The following ANO1 variants were observed in gnomAD, a reference collection of about 807,000 sequenced individuals.
ANO1 encodes anoctamin-1.
In ANO1, 59 loss-of-function variants were observed where a neutral mutation model predicts 124.0. The ratio of observed to expected loss-of-function variants is 0.48; its 90% CI spans 0.39 to 0.59. The LOEUF (loss-of-function observed/expected upper bound fraction) is 0.59, where lower values mean the gene tolerates loss of function less well. ANO1 is among the 20% of genes least tolerant of loss of function. The probability of loss-of-function intolerance (pLI) is 0.00; values close to 1 mark genes in which losing one functional copy is unlikely to be tolerated. For synonymous variants in ANO1, 529 were observed against 532.0 expected (o/e 0.99, Z 0.08); for missense variants, 1,059 against 1,328.0 (o/e 0.80, Z 3.15).
intron 1 of ANO1, among the ~76,000 whole-genome samples, chr11:70,044,545 T>A (rs1411636294): frequency 2.0e-5 from 3 of 151,948 alleles, no homozygotes; most frequent in Admixed American, 2.0e-4. Flanking sequence ...TTAGTCCAAA[T>A]GGAAATAAAT....
chr11:70,152,103 G>A lies in ANO1; in HGVS notation c.1342-347G>A, dbSNP rs541573686. Among the ~76,000 whole-genome samples the A allele has an allele frequency of 1.4e-4, 22 of 152,210 alleles. No homozygotes were observed. In the South Asian group the frequency reaches 2.3e-3, roughly 16 times the overall value. On this transcript the variant is annotated intron_variant, in intron 12 of 25. Transcript: ENST00000355303. The stretch of plus-strand genomic sequence containing the variant: ...TGTAACCCCAGCACTTTGGGAGGCC[G>A]AGGAGGGCGGATCACGAGGTCAGGA...
At chr11:70,139,990 C>T (rs2047090929) in intron 11 of ANO1, among the ~76,000 whole-genome samples, 1 of 152,214 alleles carries the variant, frequency 6.6e-6, no homozygotes, top group South Asian at 2.1e-4. Flanking sequence ...CACAAAAATA[C>T]ACCTCCTTCC....
chr11:70,154,013 G>A (rs1209767372), intron 14 of ANO1, among the ~76,000 whole-genome samples: 10 of 152,050 alleles, frequency 6.6e-5, no homozygotes, highest in Non-Finnish European at 1.2e-4. Flanking sequence ...AAATCCACCC[G>A]CCTTGGCCTC....
chr11:70,020,552 G>A (rs570183919), intron 1 of ANO1, among the ~76,000 whole-genome samples: 3 of 152,312 alleles, frequency 2.0e-5, no homozygotes, highest in Non-Finnish European at 2.9e-5. Flanking sequence ...CCAGCTCAGT[G>A]GGTCCGGCCA....
chr11:70,022,313 T>G (rs961492401), intron 1 of ANO1, among the ~76,000 whole-genome samples: 5 of 152,158 alleles, frequency 3.3e-5, no homozygotes, highest in African/African-American at 4.8e-5. Flanking sequence ...ACTTACTGAA[T>G]GGAAGCCGGG....
chr11:70,172,133 AAAAG>A (rs565422194), intron 22 of ANO1, among the ~76,000 whole-genome samples: 10,278 of 93,628 alleles, frequency 0.11, 434 homozygotes, highest in East Asian at 0.18. Context: ...AAAAAAAAAA[AAAAG>A]AAAAGAAAAG....
chr11:70,027,121 A>C (rs782027937), intron 1 of ANO1, among the ~76,000 whole-genome samples: 2 of 152,078 alleles, frequency 1.3e-5, no homozygotes, highest in African/African-American at 2.4e-5. Context: ...GTCTCTCTTC[A>C]CGGTACTCAT....
chr11:70,157,467 C>T (rs1046746455), intron 16 of ANO1, among the ~76,000 whole-genome samples: 6 of 152,014 alleles, frequency 3.9e-5, no homozygotes, highest in Non-Finnish European at 8.8e-5. Flanking sequence ...GGCCCCATCT[C>T]CTCAGGGCAG....
rs138475746 is a variant in ANO1, at chr11:70,011,176, G to A, written c.58+25010G>A. On this transcript the variant is annotated intron_variant, in intron 1 of 27. Coordinates refer to the ANO1 transcript ENST00000531349. Reference sequence around the variant, plus strand: ...GGCAGAAAGGTGCAGGAAGGGTGTCGAGGCAGAGGGAACAGCGTGTGCAAT... The same window carrying A: ...GGCAGAAAGGTGCAGGAAGGGTGTCAAGGCAGAGGGAACAGCGTGTGCAAT... 1.3e-3 allele frequency among the ~76,000 whole-genome samples: 204 copies of A among 152,250 alleles called. 5 individuals are homozygous for A. The East Asian group carries it at 0.018, about 14-fold the overall frequency.
Position 70,040,998 on chromosome 11 carries a change from G to A in ANO1, c.59-37544G>A, listed in dbSNP as rs11237590. ...GGAGAGGTTCTGGGAGCTTGGTGGG[G>A]ACCTGATGGACAGGGTTCAGGCACT... On this transcript the variant is annotated intron_variant, in intron 1 of 27. Transcript: ENST00000531349. Among the ~76,000 whole-genome samples the A allele has an allele frequency of 0.012, 1,898 of 152,262 alleles. 105 individuals carry two copies. The East Asian group carries it at 0.16, about 13-fold the overall frequency.
In ANO1 at chr11:70,010,173, G is replaced by GTATATATA. The variant is rs1565159722; in HGVS notation, c.58+24008_58+24009insATATATAT. Among the ~76,000 whole-genome samples, 204 of 50,636 alleles carry GTATATATA rather than the reference G, an allele frequency of 4.0e-3. 13 individuals are homozygous for GTATATATA. Among genetic ancestry groups the GTATATATA allele is most frequent in the African/African-American group, 0.012 (195 of 16,824 alleles). The allele number at this position is 50,636 out of a possible 152,430, so 33.2% of individuals were successfully genotyped here. On this transcript the variant is annotated intron_variant, in intron 1 of 27. Coordinates refer to the ANO1 transcript ENST00000531349. ...TGTGTGTGTGTGTGTGTGCGCGTGT[G>GTATATATA]TGTGTGTATATATATATATATATAT...
intron 1 of ANO1, among the ~76,000 whole-genome samples, chr11:69,993,977 A>G (rs1309969544): frequency 1.3e-5 from 2 of 151,954 alleles, no homozygotes; most frequent in Admixed American, 1.3e-4. Context: ...GCACTCACGC[A>G]TCTGCCCCAC....
intron 2 of ANO1, among the ~76,000 whole-genome samples, chr11:70,090,253 C>T (rs527902139): frequency 1.2e-4 from 19 of 152,312 alleles, no homozygotes; most frequent in Admixed American, 3.3e-4. Flanking sequence ...GTGGTCCGCC[C>T]GCCTTGGCCT....
intron 1 of ANO1, among the ~76,000 whole-genome samples, chr11:69,994,063 G>A (rs1856209773): frequency 6.7e-6 from 1 of 150,332 alleles, no homozygotes; most frequent in Non-Finnish European, 1.5e-5. Flanking sequence ...GTCCAGGCTT[G>A]TTTTTGCCAA....
At chr11:70,056,958 T>C (rs191762889) in intron 1 of ANO1, among the ~76,000 whole-genome samples, 10 of 152,252 alleles carry the variant, frequency 6.6e-5, no homozygotes, top group African/African-American at 2.4e-4. Flanking sequence ...ATTTTTGGCT[T>C]TGGAATTCCC....
intron 1 of ANO1, among the ~76,000 whole-genome samples, chr11:70,045,685 T>C (rs970136266): frequency 6.6e-6 from 1 of 152,042 alleles, no homozygotes; most frequent in Admixed American, 6.6e-5. Context: ...TAAGGGAAGA[T>C]CTTCACTTTC....
At chr11:70,051,099 G>A (rs1356541514) in intron 1 of ANO1, among the ~76,000 whole-genome samples, 4 of 152,152 alleles carry the variant, frequency 2.6e-5, no homozygotes, top group African/African-American at 4.8e-5. Context: ...CAACATGAAT[G>A]TATCTGATGA....
intron 11 of ANO1, among the ~76,000 whole-genome samples, chr11:70,141,944 T>C (rs1188365636): frequency 6.6e-6 from 1 of 152,066 alleles, no homozygotes; most frequent in Non-Finnish European, 1.5e-5. Context: ...GGGGTCCGTA[T>C]TCACGGTGGA....
intron 1 of ANO1, among the ~76,000 whole-genome samples, chr11:70,023,781 C>A (rs1856844937): frequency 1.3e-5 from 2 of 152,268 alleles, no homozygotes; most frequent in Middle Eastern, 6.8e-3. Context: ...GAGTGTGTGT[C>A]TTTATCCCAG....
Sources: gnomAD v4.1 joint callset for allele counts (sites outside exome capture counted in the v4.1 genomes callset) on GRCh38, gnomAD v4.1.1 for gene constraint, MANE v1.5 for transcripts, NCBI Gene and HGNC (gene_info 2026-07-23, HGNC 2026-07-21) for gene names.